KIF11: variants seen among roughly 807,000 people sequenced by gnomAD.
KIF11 encodes the protein kinesin-like protein KIF11.
Under a neutral mutation model 121.0 loss-of-function variants are expected in KIF11, and 9 were observed. That is an observed-to-expected ratio of 0.07 (90% CI 0.04 to 0.13). The LOEUF is 0.13. Ranked by LOEUF, KIF11 falls within the 10% of genes least tolerant of loss-of-function variation. KIF11 has a pLI of 1.00. For synonymous variants in KIF11, 408 were observed against 421.0 expected (o/e 0.97, Z 0.38); for missense variants, 846 against 1,217.5 (o/e 0.69, Z 4.54).
chr10:92,594,935 T>G (rs1039019779), intron 1 of KIF11, among the ~76,000 whole-genome samples: 34 of 152,150 alleles, frequency 2.2e-4, no homozygotes, highest in African/African-American at 7.7e-4. Context: ...TCATTAAGCA[T>G]TAAGCTTTAG....
chr10:92,625,974 ATC>A, intron 10 of KIF11, among the ~76,000 whole-genome samples: 1 of 152,230 alleles, frequency 6.6e-6, no homozygotes, highest in Non-Finnish European at 1.5e-5. Flanking sequence ...GATAAGAAGA[ATC>A]AATATTGTTA....
intron 17 of KIF11, among the ~76,000 whole-genome samples, chr10:92,641,808 C>T (rs1246853913): frequency 2.6e-5 from 4 of 152,082 alleles, no homozygotes; most frequent in Non-Finnish European, 4.4e-5. Context: ...TTTGGTCCCT[C>T]AGGAGATATG....
At chr10:92,599,044 C>G (rs574787129) in intron 1 of KIF11, among the ~76,000 whole-genome samples, 1 of 148,488 alleles carries the variant, frequency 6.7e-6, no homozygotes, top group South Asian at 2.1e-4. Context: ...TCCCAAAGTG[C>G]TGGGATTATA....
At chr10:92,602,857 G>A (rs79481815) in intron 1 of KIF11, among the ~76,000 whole-genome samples, 1 of 118,082 alleles carries the variant, frequency 8.5e-6, no homozygotes, top group African/African-American at 3.5e-5. Flanking sequence ...TGTGTGTGTG[G>A]TTTTTTGTTT....
At chr10:92,640,932 G>A (rs1267861205) in intron 17 of KIF11, among the ~76,000 whole-genome samples, 1 of 151,910 alleles carries the variant, frequency 6.6e-6, no homozygotes, top group East Asian at 1.9e-4. Flanking sequence ...ATTTTTAGTA[G>A]AGATGGGGTT....
intron 1 of KIF11, among the ~76,000 whole-genome samples, chr10:92,603,263 CTTT>C (rs368046931): frequency 9.2e-6 from 1 of 109,166 alleles, no homozygotes. Flanking sequence ...CTTTTCTTTT[CTTT>C]TTTTTTTTTT....
chr10:92,642,207 T>C (rs1161483612), intron 17 of KIF11, among the ~76,000 whole-genome samples: 1 of 152,168 alleles, frequency 6.6e-6, no homozygotes, highest in African/African-American at 2.4e-5. Context: ...AGTGATTTCC[T>C]ATTGTACCTT....
intron 4 of KIF11, among the ~76,000 whole-genome samples, chr10:92,607,746 G>A (rs534990552): frequency 5.4e-4 from 82 of 152,224 alleles, no homozygotes; most frequent in African/African-American, 1.9e-3. Flanking sequence ...AACCAATACT[G>A]GAAGAAAGTT....
chr10:92,653,653 T>C lies in KIF11; in HGVS notation c.3040-12T>C. 2 of 1,607,496 alleles carry C rather than the reference T, an allele frequency of 1.2e-6. No individual in the cohort carries two copies. The highest frequency in any genetic ancestry group is 1.1e-5 in the South Asian group (1 of 90,396). On this transcript the variant is annotated splice_polypyrimidine_tract_variant and intron_variant, in intron 21 of 21. Transcript: ENST00000260731. The stretch of plus-strand genomic sequence containing the variant: ...TTTGTATTGACTTAATTTTCCCGCC[T>C]TAAATCCACAGCATAAAAAATCACA...
chr10:92,622,283 G>A (rs7894183), intron 10 of KIF11, among the ~76,000 whole-genome samples: 106,107 of 151,570 alleles, frequency 0.7, 38,440 homozygotes, highest in East Asian at 0.93. Context: ...TCAAAAATAA[G>A]TAAATAAAAT....
At chr10:92,597,563 A>G (rs1446759882) in intron 1 of KIF11, among the ~76,000 whole-genome samples, 1 of 151,292 alleles carries the variant, frequency 6.6e-6, no homozygotes, top group African/African-American at 2.4e-5. Context: ...TCATCTGGCC[A>G]GAGTTCTCTT....
At chr10:92,593,615 G>T (rs1035070402) in intron 1 of KIF11, among the ~76,000 whole-genome samples, 163 bp downstream of exon 1, 1 of 152,194 alleles carries the variant, frequency 6.6e-6, no homozygotes, top group African/African-American at 2.4e-5. Context: ...CTGTGTGTAT[G>T]TGGTTTTTAG....
chr10:92,621,456 T>A lies in KIF11; in HGVS notation c.1200T>A (p.Ile400=). The A allele has an allele frequency of 6.2e-7, 1 of 1,611,052 alleles. No homozygotes were observed. Among genetic ancestry groups the A allele is most frequent in the Non-Finnish European group, 8.5e-7 (1 of 1,177,768 alleles). The change falls in exon 10 of 22, where the codon ATT becomes ATA. Residue 400 remains isoleucine, a synonymous_variant. Coordinates refer to ENST00000260731, the MANE Select transcript of KIF11 (RefSeq NM_004523.4). The part of the protein sequence containing the change: ...AAAREKNGVY[I]SEENFRVMSG... ...CCCGTGAGAAAAATGGAGTGTATAT[T>A]TCTGAAGAAAATTTTAGGTAAGCCC...
In KIF11 at chr10:92,613,008, T is replaced by C. The variant is rs1402251892; in HGVS notation, c.699-32T>C. ...AAGCAGCAAATGCTATTTTACATTATAATGACTGGGCAACTTGATATTGTT... is the reference window on the plus strand; with the variant it reads ...AAGCAGCAAATGCTATTTTACATTACAATGACTGGGCAACTTGATATTGTT... On this transcript the variant is annotated intron_variant, in intron 6 of 21. Coordinates refer to ENST00000260731, the MANE Select transcript of KIF11 (RefSeq NM_004523.4). This position sits in a 1 kb window ranked among gnomAD's most constrained non-coding sequence, Gnocchi z 4.2. The C allele has an allele frequency of 7.6e-7, 1 of 1,309,412 alleles. No individual in the cohort carries two copies. Among genetic ancestry groups the C allele is most frequent in the East Asian group, 2.3e-5 (1 of 43,358 alleles). The allele number at this position is 1,309,412 out of a possible 1,614,324, so 81.1% of individuals were successfully genotyped here. A position where few individuals can be genotyped will look rare whatever the true frequency, so the allele number is the denominator to read the frequency against.
At chr10:92,593,608 T>C (rs1311656086) in intron 1 of KIF11, among the ~76,000 whole-genome samples, 156 bp downstream of exon 1, 5 of 152,214 alleles carry the variant, frequency 3.3e-5, no homozygotes, top group African/African-American at 1.2e-4. Flanking sequence ...CCGGTTGCTG[T>C]GTGTATGTGG....
chr10:92,612,474 CA>C (rs1246906446), intron 6 of KIF11, among the ~76,000 whole-genome samples: 2 of 152,112 alleles, frequency 1.3e-5, no homozygotes. Context: ...GACTTTTGAA[CA>C]TTTTATAATC....
At chr10:92,625,539 G>A (rs1274912957) in intron 10 of KIF11, among the ~76,000 whole-genome samples, 1 of 151,712 alleles carries the variant, frequency 6.6e-6, no homozygotes, top group African/African-American at 2.4e-5. Flanking sequence ...AGTAGAGATG[G>A]GATTTCACCA....
intron 8 of KIF11, 45 bp from the exon 9 acceptor site, chr10:92,616,692 A>T (rs940708612): frequency 2.1e-6 from 2 of 965,614 alleles, no homozygotes; most frequent in Non-Finnish European, 3.3e-6. Flanking sequence ...GAACTACATT[A>T]TTCTCACAAT....
At chr10:92,644,779 G>A (rs1844901942) in intron 17 of KIF11, among the ~76,000 whole-genome samples, 1 of 151,828 alleles carries the variant, frequency 6.6e-6, no homozygotes, top group South Asian at 2.1e-4. Context: ...CTATTATAGG[G>A]CAACTTACCG....
Sources: allele counts gnomAD v4.1 joint callset (sites outside exome capture counted in the v4.1 genomes callset), GRCh38; gene constraint gnomAD v4.1.1; non-coding constraint Gnocchi (gnomAD v3.1); transcripts MANE v1.5; gene names NCBI Gene and HGNC (gene_info 2026-07-23, HGNC 2026-07-21).